Variants in SNX19 observed in about 807,000 individuals in gnomAD.
SNX19 encodes sorting nexin 19.
In SNX19, 60 loss-of-function variants were observed where a neutral mutation model predicts 85.2. The ratio of observed to expected loss-of-function variants is 0.70; its 90% CI spans 0.57 to 0.87. The LOEUF (loss-of-function observed/expected upper bound fraction) is 0.87, where lower values mean the gene tolerates loss of function less well. SNX19 is among the 40% of genes least tolerant of loss of function. The probability of loss-of-function intolerance (pLI) is 0.00; values close to 1 mark genes in which losing one functional copy is unlikely to be tolerated. For missense variants in SNX19, 1,201 were observed against 1,217.8 expected (o/e 0.99, Z 0.21); for synonymous variants, 520 against 470.0 (o/e 1.11, Z -1.38).
rs756176482 is a variant in SNX19 at position 130,906,133 on chromosome 11, C to T, written c.2263G>A (p.Glu755Lys). The change falls in exon 7 of 11, where the codon GAG becomes AAG. Residue 755 changes from glutamate to lysine, a missense_variant and splice_region_variant. By Grantham distance (56) the Glu-to-Lys change is moderately conservative. Coordinates refer to ENST00000265909, the MANE Select transcript of SNX19 (RefSeq NM_014758.3). ...ILYCLQEGNV[E>K]SETLSMSAME... is the part of the protein sequence containing the mutation. Reference sequence around the variant, plus strand: ...GCAGACATGGATAGAGTCTCAGACTCCTAAGAAATAGTCAGTGGCATATCA... The same window carrying T: ...GCAGACATGGATAGAGTCTCAGACTTCTAAGAAATAGTCAGTGGCATATCA... The T allele has an allele frequency of 1.9e-6, 3 of 1,613,294 alleles. No individual in the cohort carries two copies. Among genetic ancestry groups the T allele is most frequent in the Non-Finnish European group, 1.7e-6 (2 of 1,179,668 alleles).
At chr11:130,907,404 C>T (rs1945755269) in intron 5 of SNX19, among the ~76,000 whole-genome samples, 1 of 152,082 alleles carries the variant, frequency 6.6e-6, no homozygotes, top group Admixed American at 6.5e-5. Flanking sequence ...AGTAAGGGTA[C>T]ATGTGGTGCC....
At chr11:130,888,950 A>G (rs965765225) in intron 8 of SNX19, among the ~76,000 whole-genome samples, 2 of 152,226 alleles carry the variant, frequency 1.3e-5, no homozygotes, top group Non-Finnish European at 2.9e-5. Context: ...CAAAGAAAAT[A>G]GAAAACAGCC....
At chr11:130,905,499 A>T (rs1945595434) in intron 7 of SNX19, among the ~76,000 whole-genome samples, 1 of 152,160 alleles carries the variant, frequency 6.6e-6, no homozygotes, top group South Asian at 2.1e-4. Context: ...ACCCTGGAAG[A>T]GTGTGTAGAA....
At chr11:130,903,669 C>T (rs1050437343) in intron 7 of SNX19, among the ~76,000 whole-genome samples, 1 of 147,538 alleles carries the variant, frequency 6.8e-6, no homozygotes, top group Non-Finnish European at 1.5e-5. Flanking sequence ...TATATATCTG[C>T]TAAATATATA....
Position 130,875,383 on chromosome 11 carries a change from A to G in SNX19, c.*3039T>C, listed in dbSNP as rs1592263839. On this transcript the variant is annotated 3_prime_UTR_variant, in exon 11 of 11. Transcript: ENST00000265909. Reference sequence around the variant, plus strand: ...AACGAGGAGTGGCTGTTCAATGGGTATAAACTTTTGGTTATGCAAGATGAA... The same window carrying G: ...AACGAGGAGTGGCTGTTCAATGGGTGTAAACTTTTGGTTATGCAAGATGAA... The G allele has an allele frequency of 1.3e-5, 2 of 152,212 alleles. No individual in the cohort carries two copies. The highest frequency in any genetic ancestry group is 2.9e-5 in the Non-Finnish European group (2 of 68,052). 9.4% of individuals were successfully genotyped at this position (152,212 alleles called of 1,614,324 possible). A position where few individuals can be genotyped will look rare whatever the true frequency, so the allele number is the denominator to read the frequency against.
At chr11:130,885,602 G>A (rs140930436) in intron 8 of SNX19, among the ~76,000 whole-genome samples, 204 of 152,294 alleles carry the variant, frequency 1.3e-3, no homozygotes, top group Middle Eastern at 3.4e-3. Flanking sequence ...AAGGGAAGAA[G>A]ATACTAAAAT....
intron 8 of SNX19, among the ~76,000 whole-genome samples, chr11:130,889,528 A>AAAATG: frequency 9.9e-6 from 1 of 100,980 alleles, no homozygotes; most frequent in Admixed American, 1.1e-4. Flanking sequence ...CCTGTTGCAA[A>AAAATG]ACTTTGAGTG....
At chr11:130,894,613 TAG>T in intron 8 of SNX19, 1 of 984,312 alleles carries the variant, frequency 1.0e-6, no homozygotes, top group Non-Finnish European at 1.2e-6. Flanking sequence ...CTGGTGCCCA[TAG>T]AGAGAATTCC....
At chr11:130,881,082 T>G in intron 8 of SNX19, 2 of 271,638 alleles carry the variant, frequency 7.4e-6, no homozygotes, top group Non-Finnish European at 1.4e-5. Context: ...AAAAGGGCCC[T>G]TGCCAGACAC....
rs1007751097 is a variant in SNX19, at chr11:130,872,324, G to A, written c.*6098C>T. ...AGTGTGTCTGCCAAGGTCTGCGGGT[G>A]CCCAAATTTCCCCCACCGCTTCACG... On this transcript the variant is annotated 3_prime_UTR_variant, in exon 11 of 11. Coordinates refer to ENST00000265909, the MANE Select transcript of SNX19 (RefSeq NM_014758.3). Among the ~76,000 whole-genome samples the A allele has an allele frequency of 6.6e-6, 1 of 152,138 alleles. No homozygotes were observed. The highest frequency in any genetic ancestry group is 2.1e-4 in the South Asian group (1 of 4,826).
chr11:130,893,574 A>G (rs1359135110), intron 8 of SNX19, among the ~76,000 whole-genome samples: 2 of 152,106 alleles, frequency 1.3e-5, no homozygotes, highest in African/African-American at 4.8e-5. Context: ...AAACCTTTCC[A>G]AGTAGAAGGC....
At chr11:130,903,891 GC>G (rs1469626180) in intron 7 of SNX19, among the ~76,000 whole-genome samples, 1 of 151,794 alleles carries the variant, frequency 6.6e-6, no homozygotes, top group East Asian at 1.9e-4. Flanking sequence ...CATTCCACTC[GC>G]CCCCACAAAG....
chr11:130,885,490 G>A (rs1296493074), intron 8 of SNX19, among the ~76,000 whole-genome samples: 3 of 152,218 alleles, frequency 2.0e-5, no homozygotes, highest in Non-Finnish European at 4.4e-5. Context: ...TAGAGACCAT[G>A]TCTAATCCAA....
At position 130,914,354 on chromosome 11, in the gene SNX19, A is replaced by T; in HGVS notation, c.1586T>A (p.Ile529Asn). ...GCCAGTGATACGAAGGTTCTGGATGATAACTGGACCATCGGGACTGCTTAG... is the reference window on the plus strand; with the variant it reads ...GCCAGTGATACGAAGGTTCTGGATGTTAACTGGACCATCGGGACTGCTTAG... ...EPLSSPDGPV[I>N]IQNLRITGTI... is the part of the protein sequence containing the mutation. The change falls in exon 1 of 11, where the codon ATC (isoleucine) becomes AAC (asparagine). Residue 529 changes from isoleucine to asparagine, a missense_variant. By Grantham distance (149) the Ile-to-Asn change is moderately radical. Coordinates refer to ENST00000265909, the MANE Select transcript of SNX19 (RefSeq NM_014758.3). The T allele has an allele frequency of 6.2e-7, 1 of 1,613,814 alleles. No individual in the cohort carries two copies. Among genetic ancestry groups the T allele is most frequent in the South Asian group, 1.1e-5 (1 of 91,034 alleles).
At chr11:130,913,986 G>C (rs1946344103) in intron 1 of SNX19, among the ~76,000 whole-genome samples, 2 of 152,154 alleles carry the variant, frequency 1.3e-5, no homozygotes, top group African/African-American at 4.8e-5. Flanking sequence ...ATATCTGAAA[G>C]GCAGCTCAAG....
At chr11:130,911,388 CTTAT>C in intron 2 of SNX19, 2 of 1,220,502 alleles carry the variant, frequency 1.6e-6, no homozygotes, top group Non-Finnish European at 2.1e-6. Context: ...AATGTGAACA[CTTAT>C]TTTTTAATCT....
Position 130,870,407 on chromosome 11 carries a change from G to A in SNX19, c.*8015C>T, listed in dbSNP as rs1942975165. Among the ~76,000 whole-genome samples the A allele has an allele frequency of 6.6e-6, 1 of 152,246 alleles. No homozygotes were observed. The highest frequency in any genetic ancestry group is 2.4e-5 in the African/African-American group (1 of 41,472). On this transcript the variant is annotated 3_prime_UTR_variant, in exon 11 of 11. Coordinates refer to ENST00000265909, the MANE Select transcript of SNX19 (RefSeq NM_014758.3). ...CCACATGGGTGCAGGGTGCACACCT[G>A]AACAGGGGGTAGCCTCTGATGAAAC...
intron 8 of SNX19, among the ~76,000 whole-genome samples, chr11:130,885,492 C>G (rs1943994505): frequency 6.6e-6 from 1 of 152,190 alleles, no homozygotes; most frequent in Non-Finnish European, 1.5e-5. Context: ...GAGACCATGT[C>G]TAATCCAATT....
Position 130,916,211 on chromosome 11 carries a change from C to G in SNX19, c.-272G>C, listed in dbSNP as rs190621988. ...GAAAACTCTGTGGCCTTCACACTGCCCCAGGCGGAAGGCCTCTTCGGGGCC... is the reference window on the plus strand; with the variant it reads ...GAAAACTCTGTGGCCTTCACACTGCGCCAGGCGGAAGGCCTCTTCGGGGCC... On this transcript the variant is annotated 5_prime_UTR_variant, in exon 1 of 11. Transcript: ENST00000265909. The G allele has an allele frequency of 4.4e-3, 2,047 of 461,472 alleles. 44 individuals carry two copies. Among genetic ancestry groups the G allele is most frequent in the African/African-American group, 0.036 (1,855 of 51,408 alleles). 28.6% of individuals were successfully genotyped at this position (461,472 alleles called of 1,614,324 possible). A position where few individuals can be genotyped will look rare whatever the true frequency, so the allele number is the denominator to read the frequency against.
Sources: gnomAD v4.1 joint callset for allele counts (sites outside exome capture counted in the v4.1 genomes callset) on GRCh38, gnomAD v4.1.1 for gene constraint, MANE v1.5 for transcripts, NCBI Gene and HGNC (gene_info 2026-07-23, HGNC 2026-07-21) for gene names.